LONP2: variants seen among roughly 807,000 people sequenced by gnomAD.
LONP2 encodes the protein lon peptidase 2, peroxisomal.
In LONP2, 60 loss-of-function variants were observed where a neutral mutation model predicts 85.6. The ratio of observed to expected loss-of-function variants is 0.70; its 90% CI spans 0.57 to 0.87. The LOEUF (loss-of-function observed/expected upper bound fraction) is 0.87, where lower values mean the gene tolerates loss of function less well. Ranked by LOEUF, LONP2 falls within the 40% of genes least tolerant of loss-of-function variation. The pLI, the probability that LONP2 is intolerant of heterozygous loss-of-function variation, is 0.00. For missense variants in LONP2, 860 were observed against 1,063.5 expected, an observed-to-expected ratio of 0.81 and a Z score of 2.66; for synonymous variants, 395 against 389.7, an observed-to-expected ratio of 1.01 and a Z score of -0.16.
chr16:48,265,612 C>G (rs1015137061), intron 6 of LONP2, among the ~76,000 whole-genome samples: 2 of 152,214 alleles, frequency 1.3e-5, no homozygotes. Context: ...ATCATACTCT[C>G]TGATTACTGT....
chr16:48,361,102 A>T (rs1960567030), downstream of LONP2: 1 of 152,902 alleles, frequency 6.5e-6, no homozygotes, highest in Non-Finnish European at 1.5e-5. Flanking sequence ...AATAAAAATT[A>T]GCAAATACAC....
intron 8 of LONP2, among the ~76,000 whole-genome samples, chr16:48,285,191 T>A (rs1157362839): frequency 6.6e-6 from 1 of 152,208 alleles, no homozygotes; most frequent in Non-Finnish European, 1.5e-5. Flanking sequence ...CTGTGGTTTC[T>A]GCTGTGAAGC....
rs550305789 is a variant in LONP2, at chr16:48,295,049, T to G, written c.1384-966T>G. On this transcript the variant is annotated intron_variant, in intron 8 of 14. Transcript: ENST00000285737. ...GCTCTTTAATGTACAGTTGCACATT[T>G]TAAGAATCCAAGTTGACTGATAAAT... 1.6e-4 allele frequency among the ~76,000 whole-genome samples: 24 copies of G among 152,274 alleles called. No homozygotes were observed. In the South Asian group the frequency reaches 1.7e-3, roughly 11 times the overall value.
intron 14 of LONP2, 71 bp from the exon 15 acceptor site, chr16:48,351,510 A>C (rs564464994): frequency 4.9e-6 from 6 of 1,234,740 alleles, no homozygotes; most frequent in African/African-American, 1.5e-5. Flanking sequence ...TCAGTGAAAG[A>C]AAGCTGGGTC....
chr16:48,348,787 T>C (rs2151034013), intron 14 of LONP2, among the ~76,000 whole-genome samples: 1 of 152,248 alleles, frequency 6.6e-6, no homozygotes, highest in South Asian at 2.1e-4. Flanking sequence ...AGCCACCACA[T>C]TCAGCCCACG....
chr16:48,358,711 C>T (rs529001567), downstream of LONP2, among the ~76,000 whole-genome samples: 247 of 152,086 alleles, frequency 1.6e-3, 1 homozygote, highest in Non-Finnish European at 9.0e-4. Flanking sequence ...CTCTCAGCTA[C>T]GCAGGAGGAT....
downstream of LONP2, among the ~76,000 whole-genome samples, chr16:48,359,261 G>A (rs8043834): frequency 6.6e-6 from 1 of 152,258 alleles, no homozygotes; most frequent in African/African-American, 2.4e-5. Context: ...ACAGCGTCCA[G>A]CCACGTTTAT....
chr16:48,296,146 G>A lies in LONP2; in HGVS notation c.1515G>A (p.Met505Ile), dbSNP rs377269566. The A allele has an allele frequency of 5.6e-6, 9 of 1,613,966 alleles. No individual in the cohort carries two copies. Among genetic ancestry groups the A allele is most frequent in the Non-Finnish European group, 7.6e-6 (9 of 1,180,018 alleles). Residue 505 changes from methionine to isoleucine, a missense_variant, in exon 9 of 15, where the codon ATG becomes ATA. By Grantham distance (10) the Met-to-Ile change is conservative. This residue lies in a region of LONP2 where 743 missense variants were observed against 917.3 expected (regional missense o/e 0.81). Transcript: ENST00000285737. The part of the protein sequence containing the change: ...ATIPAALLDR[M>I]EIIQVPGYTQ... ...TTCCAGCTGCCTTGTTGGACAGAAT[G>A]GAGATCATTCAGGTTCCAGGTACCT...
chr16:48,317,719 G>A (rs986917268), intron 11 of LONP2, among the ~76,000 whole-genome samples: 4 of 152,226 alleles, frequency 2.6e-5, no homozygotes, highest in East Asian at 1.9e-4. Flanking sequence ...GAAGCTGTAA[G>A]TTGGAGAAAA....
chr16:48,282,066 G>A (rs1446947565), intron 8 of LONP2, among the ~76,000 whole-genome samples: 1 of 152,080 alleles, frequency 6.6e-6, no homozygotes. Context: ...TTGTTTTATT[G>A]TGTTGTGCTT....
chr16:48,337,776 T>C (rs1024459379), intron 12 of LONP2, among the ~76,000 whole-genome samples: 1 of 152,214 alleles, frequency 6.6e-6, no homozygotes, highest in African/African-American at 2.4e-5. Context: ...GGAATACATG[T>C]TGAGGTGTTC....
chr16:48,315,257 A>G (rs1393557951), intron 11 of LONP2, among the ~76,000 whole-genome samples: 1 of 152,240 alleles, frequency 6.6e-6, no homozygotes, highest in Non-Finnish European at 1.5e-5. Flanking sequence ...GTTAACAGAC[A>G]TGTCAGACAA....
chr16:48,301,806 G>A (rs1460775223), intron 10 of LONP2, among the ~76,000 whole-genome samples: 1 of 152,134 alleles, frequency 6.6e-6, no homozygotes, highest in African/African-American at 2.4e-5. Context: ...TCCTTGTACA[G>A]CCCTTCTGAC....
intron 11 of LONP2, among the ~76,000 whole-genome samples, chr16:48,305,758 T>C (rs994478417): frequency 6.6e-5 from 10 of 152,234 alleles, no homozygotes; most frequent in Admixed American, 2.0e-4. Flanking sequence ...TAAGTGTTGG[T>C]TACTTTTTGT....
intron 11 of LONP2, among the ~76,000 whole-genome samples, chr16:48,309,016 A>G (rs1178216348): frequency 6.6e-6 from 1 of 152,216 alleles, no homozygotes; most frequent in Non-Finnish European, 1.5e-5. Flanking sequence ...ATTTTTCAAA[A>G]GAAGACATAC....
At chr16:48,257,842 T>C (rs1971791362) in intron 3 of LONP2, among the ~76,000 whole-genome samples, 1 of 152,242 alleles carries the variant, frequency 6.6e-6, no homozygotes. Context: ...GGCAGCAGTG[T>C]GTTTTACTGC....
intron 8 of LONP2, among the ~76,000 whole-genome samples, chr16:48,281,502 C>T (rs960628924): frequency 6.6e-6 from 1 of 151,958 alleles, no homozygotes. Flanking sequence ...AAAGTAAGGG[C>T]TTGTATGTAA....
downstream of LONP2, among the ~76,000 whole-genome samples, chr16:48,359,730 TCCA>T (rs1960505650): frequency 6.6e-6 from 1 of 150,762 alleles, no homozygotes; most frequent in Admixed American, 6.6e-5. Flanking sequence ...AAAAAAAAGC[TCCA>T]CAAGCACATT....
chr16:48,322,557 A>G (rs1973288328), intron 11 of LONP2, among the ~76,000 whole-genome samples: 1 of 152,024 alleles, frequency 6.6e-6, no homozygotes, highest in African/African-American at 2.4e-5. Flanking sequence ...TACAGAAGGG[A>G]GTACACTCTA....
Sources: allele counts gnomAD v4.1 joint callset (sites outside exome capture counted in the v4.1 genomes callset), GRCh38; gene constraint gnomAD v4.1.1; regional missense constraint gnomAD v4.1.1; transcripts MANE v1.5; gene names NCBI Gene and HGNC (gene_info 2026-07-23, HGNC 2026-07-21).